ATP11A: variants seen among roughly 807,000 people sequenced by gnomAD.
ATP11A encodes ATPase phospholipid transporting 11A.
Under a neutral mutation model 154.4 loss-of-function variants are expected in ATP11A, and 81 were observed. That is an observed-to-expected ratio of 0.52 (90% CI 0.44 to 0.63). The LOEUF (loss-of-function observed/expected upper bound fraction) is 0.63. Ranked by LOEUF, ATP11A falls within the 30% of genes least tolerant of loss-of-function variation. The probability of loss-of-function intolerance (pLI) is 0.00; values close to 1 mark genes in which losing one functional copy is unlikely to be tolerated. For missense variants in ATP11A, 1,316 were observed against 1,474.3 expected (o/e 0.89, Z 1.76); for synonymous variants, 623 against 585.9 (o/e 1.06, Z -0.91).
At chr13:112,802,910 G>C (rs1467043124) in intron 2 of ATP11A, among the ~76,000 whole-genome samples, 1 of 152,126 alleles carries the variant, frequency 6.6e-6, no homozygotes, top group Non-Finnish European at 1.5e-5. Flanking sequence ...GGAAAATAAG[G>C]GTGTTTGGAT....
intron 1 of ATP11A, among the ~76,000 whole-genome samples, chr13:112,764,715 C>T (rs1594598385): frequency 6.6e-6 from 1 of 152,186 alleles, no homozygotes; most frequent in Non-Finnish European, 1.5e-5. Context: ...TTGATGGGCT[C>T]GTCTGCCTGG....
chr13:112,826,946 T>C (rs1000362834), intron 12 of ATP11A, 55 bp downstream of exon 12: 2 of 1,579,926 alleles, frequency 1.3e-6, no homozygotes, highest in Admixed American at 1.7e-5. Flanking sequence ...GTGAGTCTGC[T>C]TCACGTTCCT....
At chr13:112,704,297 G>T (rs547379773) in intron 1 of ATP11A, among the ~76,000 whole-genome samples, 1 of 152,236 alleles carries the variant, frequency 6.6e-6, no homozygotes, top group Admixed American at 6.5e-5. Context: ...GGTGATTGTA[G>T]GTTGTGACTG....
rs1440929197 is a variant in ATP11A, at chr13:112,776,305, G to A, written c.40-8830G>A. Among the ~76,000 whole-genome samples the A allele has an allele frequency of 6.6e-5, 10 of 152,246 alleles. 2 individuals are homozygous for A. Among genetic ancestry groups the A allele is most frequent in the Admixed American group, 5.2e-4 (8 of 15,296 alleles). On this transcript the variant is annotated intron_variant, in intron 1 of 29. Coordinates refer to ENST00000375645, the MANE Select transcript of ATP11A (RefSeq NM_015205.3). ...GATCCCAGACCCTCCTTCCATCCCC[G>A]GACTGGGCGCATTGGAGCAAATTCC...
rs148267698 is a variant in ATP11A at position 112,825,052 on chromosome 13, G to A, written c.873-378G>A. 4.1e-3 allele frequency among the ~76,000 whole-genome samples: 624 copies of A among 151,850 alleles called. 1 individual carries two copies. Among genetic ancestry groups the A allele is most frequent in the Non-Finnish European group, 7.0e-3 (475 of 67,966 alleles). ...CTCTCCTTTCCTTCCTTCCTCTACA[G>A]TGGTGGGTAGTCACTAAGTTTTGAA... On this transcript the variant is annotated intron_variant, in intron 10 of 29. Coordinates refer to ENST00000375645, the MANE Select transcript of ATP11A (RefSeq NM_015205.3).
chr13:112,880,664 G>A (rs1267802794), intron 29 of ATP11A: 1 of 1,285,288 alleles, frequency 7.8e-7, no homozygotes, highest in Non-Finnish European at 1.0e-6. Flanking sequence ...CTGTGCGGCT[G>A]CTGGACGCCG....
chr13:112,819,943 G>A lies in ATP11A; in HGVS notation c.718G>A (p.Val240Met). 5 of 1,606,840 alleles carry A rather than the reference G, an allele frequency of 3.1e-6. 1 individual carries two copies. In the Middle Eastern group the frequency reaches 5.0e-4, roughly 160 times the overall value. ...CGTTTACAGTGACCTGAATGACCCC[G>A]TGGTGAGGTGAGTGCCTCTGCGGAT... Reference protein sequence around the residue: ...INVYSDLNDPVVRPLGSENLL... With the variant: ...INVYSDLNDPMVRPLGSENLL... Residue 240 changes from valine (V) to methionine (M), a missense_variant, in exon 8 of 30, where the codon GTG (valine) becomes ATG (methionine). Coordinates refer to ENST00000375645, the MANE Select transcript of ATP11A (RefSeq NM_015205.3).
rs531271770 is a variant in ATP11A at position 112,781,031 on chromosome 13, T to TTTTG, written c.40-4089_40-4086dup. Among the ~76,000 whole-genome samples the TTTTG allele has an allele frequency of 3.0e-4, 45 of 152,074 alleles. 1 individual carries two copies. In the South Asian group the frequency reaches 8.9e-3, roughly 30 times the overall value. On this transcript the variant is annotated intron_variant, in intron 1 of 29. Coordinates refer to ENST00000375645, the MANE Select transcript of ATP11A (RefSeq NM_015205.3). Reference sequence around the variant, plus strand: ...CAGCCCCGTGTGATGTGACCCCGTCTTTTGTTTGTTTGTTTGTTCGTTTGT... The same window carrying TTTTG: ...CAGCCCCGTGTGATGTGACCCCGTCTTTTGTTTGTTTGTTTGTTTGTTCGTTTGT...
At chr13:112,846,834 C>T (rs1348640736) in intron 17 of ATP11A, among the ~76,000 whole-genome samples, 3 of 152,222 alleles carry the variant, frequency 2.0e-5, no homozygotes, top group Non-Finnish European at 4.4e-5. Context: ...TTCGTGATGT[C>T]CAGCAGACCC....
chr13:112,834,021 A>G (rs2079166220), intron 14 of ATP11A, among the ~76,000 whole-genome samples: 1 of 152,208 alleles, frequency 6.6e-6, no homozygotes, highest in Non-Finnish European at 1.5e-5. Context: ...TCCCAAAGCC[A>G]TGCTCTGTCT....
At position 112,862,669 on chromosome 13, in the gene ATP11A, G is replaced by A. The variant is rs141539515; in HGVS notation, c.2991+94G>A. ...TTTTGCCAAAGCAGAATTCAGTGCA[G>A]CCCATGCAGCTTCCCAGCGGGGTCC... On this transcript the variant is annotated intron_variant, in intron 25 of 29. Coordinates refer to ENST00000375645, the MANE Select transcript of ATP11A (RefSeq NM_015205.3). 4,482 of 1,536,166 alleles carry A rather than the reference G, an allele frequency of 2.9e-3. 117 individuals carry two copies. The African/African-American group carries it at 0.056, about 19-fold the overall frequency.
chr13:112,819,231 G>T (rs1226138202), intron 6 of ATP11A, 73 bp from the exon 7 acceptor site: 11 of 1,255,122 alleles, frequency 8.8e-6, no homozygotes, highest in Non-Finnish European at 1.3e-5. Flanking sequence ...GTAATCACTT[G>T]GTTGGAGGCA....
chr13:112,882,096 C>T lies in ATP11A; in HGVS notation c.*230C>T, dbSNP rs759559990. On this transcript the variant is annotated 3_prime_UTR_variant, in exon 30 of 30. Coordinates refer to ENST00000375645, the MANE Select transcript of ATP11A (RefSeq NM_015205.3). This position sits in a 1 kb window ranked among gnomAD's most constrained non-coding sequence, Gnocchi z 5.1. Reference sequence around the variant, plus strand: ...GTCCTAAGCCTGTGGAGACTGTGCACGTGCCTCTTCCTGGCCCCCAGCAGG... The same window carrying T: ...GTCCTAAGCCTGTGGAGACTGTGCATGTGCCTCTTCCTGGCCCCCAGCAGG... 28 of 1,354,206 alleles carry T rather than the reference C, an allele frequency of 2.1e-5. No individual in the cohort carries two copies. Among genetic ancestry groups the T allele is most frequent in the Non-Finnish European group, 2.4e-5 (24 of 1,013,522 alleles). The allele number at this position is 1,354,206 out of a possible 1,614,324, so 83.9% of individuals were successfully genotyped here.
chr13:112,848,290 G>C (rs919964579), intron 17 of ATP11A, among the ~76,000 whole-genome samples: 1 of 151,998 alleles, frequency 6.6e-6, no homozygotes, highest in Admixed American at 6.6e-5. Context: ...TTACCTCCTT[G>C]GTTAAATTTA....
rs545479888 is a variant in ATP11A at position 112,788,495 on chromosome 13, G to A, written c.162+3238G>A. ...TAATTCACACCGGGTGTCCTGATGCGTAGACTCCTGTGGATACCTACTTAA... is the reference window on the plus strand; with the variant it reads ...TAATTCACACCGGGTGTCCTGATGCATAGACTCCTGTGGATACCTACTTAA... On this transcript the variant is annotated intron_variant, in intron 2 of 29. Transcript: ENST00000375645. Among the ~76,000 whole-genome samples, 12 of 149,660 alleles carry A rather than the reference G, an allele frequency of 8.0e-5. No homozygotes were observed. The East Asian group carries it at 1.2e-3, about 15-fold the overall frequency.
intron 1 of ATP11A, among the ~76,000 whole-genome samples, chr13:112,725,569 G>A (rs545056851): frequency 5.3e-5 from 8 of 152,324 alleles, no homozygotes; most frequent in Admixed American, 1.3e-4. Context: ...TGCTCTATGT[G>A]CTTAATGCCT....
chr13:112,808,697 CT>C (rs1485502149), intron 4 of ATP11A, among the ~76,000 whole-genome samples: 2 of 152,190 alleles, frequency 1.3e-5, no homozygotes, highest in African/African-American at 4.8e-5. Flanking sequence ...CCCCGCCTCT[CT>C]TTTCACACCA....
chr13:112,758,675 G>A (rs894546000), intron 1 of ATP11A, among the ~76,000 whole-genome samples: 13 of 150,128 alleles, frequency 8.7e-5, no homozygotes, highest in Middle Eastern at 3.6e-3. Flanking sequence ...CGCCCATCTC[G>A]GCCTCCCAAA....
intron 17 of ATP11A, among the ~76,000 whole-genome samples, chr13:112,850,483 T>C (rs1049924686): frequency 6.6e-6 from 1 of 152,224 alleles, no homozygotes; most frequent in Non-Finnish European, 1.5e-5. Flanking sequence ...AGAATGATGA[T>C]CACAGTAAGG....
Sources: gnomAD v4.1 joint callset for allele counts (sites outside exome capture counted in the v4.1 genomes callset) on GRCh38, gnomAD v4.1.1 for gene constraint, Gnocchi (gnomAD v3.1) non-coding constraint, MANE v1.5 for transcripts, NCBI Gene and HGNC (gene_info 2026-07-23, HGNC 2026-07-21) for gene names.